Variants in RAD51B observed in about 807,000 individuals in gnomAD.
The protein encoded by RAD51B is RAD51 paralog B.
In RAD51B, 38 loss-of-function variants were observed where a neutral mutation model predicts 42.2. That is an observed-to-expected ratio of 0.90 (90% CI 0.70 to 1.18). RAD51B has a LOEUF of 1.18. Among genes scored for constraint, RAD51B ranks in the 50% most tolerant of loss-of-function variants. RAD51B has a pLI of 0.00. For missense variants in RAD51B, 373 were observed against 400.7 expected, an observed-to-expected ratio of 0.93 and a Z score of 0.59; for synonymous variants, 154 against 145.2, an observed-to-expected ratio of 1.06 and a Z score of -0.43.
In RAD51B at chr14:67,850,246, G is replaced by A. The variant is rs534861991; in HGVS notation, c.316-14757G>A. Among the ~76,000 whole-genome samples, 7 of 152,318 alleles carry A rather than the reference G, an allele frequency of 4.6e-5. No homozygotes were observed. The South Asian group carries it at 1.5e-3, about 32-fold the overall frequency. ...CAATCCTCCTGCTTTGGCCTCCAGG[G>A]TTGGAGTGCTGGGATGGATTACAGA... On this transcript the variant is annotated intron_variant, in intron 4 of 10. Transcript: ENST00000471583.
chr14:67,881,680 C>G (rs1226392739), intron 5 of RAD51B, among the ~76,000 whole-genome samples: 3 of 151,262 alleles, frequency 2.0e-5, no homozygotes, highest in Admixed American at 2.0e-4. Context: ...GTGTTTGTTT[C>G]CTTTCTCTCA....
intron 7 of RAD51B, among the ~76,000 whole-genome samples, chr14:68,086,365 G>T (rs1048885949): frequency 1.3e-5 from 2 of 152,126 alleles, no homozygotes; most frequent in Non-Finnish European, 2.9e-5. Context: ...CCATGTGTCC[G>T]CCTGCTAGGG....
chr14:67,853,807 A>G (rs2041898379), intron 4 of RAD51B, among the ~76,000 whole-genome samples: 1 of 152,168 alleles, frequency 6.6e-6, no homozygotes, highest in Non-Finnish European at 1.5e-5. Flanking sequence ...ATTTATCATC[A>G]GTTTTGACTT....
At chr14:68,316,246 G>A (rs552104865) in intron 8 of RAD51B, among the ~76,000 whole-genome samples, 3 of 152,224 alleles carry the variant, frequency 2.0e-5, no homozygotes, top group Non-Finnish European at 4.4e-5. Context: ...GAGTCTGAGA[G>A]TGTGTAATTT....
intron 8 of RAD51B, among the ~76,000 whole-genome samples, chr14:68,371,559 A>T (rs2083265807): frequency 6.6e-6 from 1 of 151,720 alleles, no homozygotes; most frequent in Non-Finnish European, 1.5e-5. Context: ...GTTGCATTTG[A>T]GATATGTAAG....
chr14:68,127,984 CA>C (rs890527490), intron 7 of RAD51B, among the ~76,000 whole-genome samples: 13 of 152,100 alleles, frequency 8.5e-5, no homozygotes, highest in African/African-American at 3.1e-4. Flanking sequence ...GGTAGATGAT[CA>C]ACAAATATCT....
intron 7 of RAD51B, among the ~76,000 whole-genome samples, chr14:68,209,456 G>A (rs1274650): frequency 0.17 from 26,014 of 152,168 alleles, 2,361 homozygotes; most frequent in Middle Eastern, 0.36. Context: ...ATAACTCTCT[G>A]AGAGGAATTG....
At chr14:68,008,926 TTGC>T (rs1490747087) in intron 7 of RAD51B, among the ~76,000 whole-genome samples, 1 of 151,988 alleles carries the variant, frequency 6.6e-6, no homozygotes, top group Non-Finnish European at 1.5e-5. Flanking sequence ...TGTAAATAGT[TTGC>T]TGTCGTAGAG....
At chr14:67,873,391 C>T (rs1168528286) in intron 5 of RAD51B, among the ~76,000 whole-genome samples, 2 of 151,986 alleles carry the variant, frequency 1.3e-5, no homozygotes, top group Admixed American at 1.3e-4. Context: ...CAATGAGATA[C>T]CATCTCACAC....
intron 11 of RAD51B, among the ~76,000 whole-genome samples, chr14:68,681,294 C>T (rs1174751884): frequency 6.6e-6 from 1 of 151,980 alleles, no homozygotes; most frequent in Non-Finnish European, 1.5e-5. Context: ...TCGAGGTGTT[C>T]CAAATCAGCG....
intron 10 of RAD51B, among the ~76,000 whole-genome samples, chr14:68,607,445 A>G (rs919200835): frequency 1.3e-5 from 2 of 151,488 alleles, no homozygotes; most frequent in East Asian, 1.9e-4. Context: ...CCCACAGCCC[A>G]TCTCTTCCAG....
intron 8 of RAD51B, among the ~76,000 whole-genome samples, chr14:68,387,777 A>G (rs553413541): frequency 1.3e-5 from 2 of 152,266 alleles, no homozygotes; most frequent in African/African-American, 2.4e-5. Context: ...CTCTACCACT[A>G]CAACCACTAA....
intron 7 of RAD51B, among the ~76,000 whole-genome samples, chr14:68,070,957 C>T (rs2076731199): frequency 6.6e-6 from 1 of 152,000 alleles, no homozygotes; most frequent in African/African-American, 2.4e-5. Flanking sequence ...TCTGATTTCT[C>T]TTAGCAGTGT....
intron 7 of RAD51B, among the ~76,000 whole-genome samples, chr14:68,153,382 G>A (rs549064079): frequency 6.6e-6 from 1 of 152,210 alleles, no homozygotes; most frequent in African/African-American, 2.4e-5. Flanking sequence ...CTGAATGGTA[G>A]TGCTATTTTT....
rs114197308 is a variant in RAD51B at position 67,845,108 on chromosome 14, C to T, written c.315+9912C>T. 3.9e-3 allele frequency among the ~76,000 whole-genome samples: 585 copies of T among 151,822 alleles called. 3 individuals carry two copies. Among genetic ancestry groups the T allele is most frequent in the African/African-American group, 0.011 (446 of 41,116 alleles). On this transcript the variant is annotated intron_variant, in intron 4 of 10. Coordinates refer to ENST00000471583, the MANE Select transcript of RAD51B (RefSeq NM_133510.4). ...GGGCATTTAGCTTGTTTACATTCAA[C>T]GTTAATATTGACATGTGGATTTGAT...
intron 9 of RAD51B, among the ~76,000 whole-genome samples, chr14:68,458,178 G>A (rs143774477): frequency 1.8e-4 from 27 of 152,094 alleles, no homozygotes; most frequent in African/African-American, 6.0e-4. Context: ...TTTTGTTTCC[G>A]TTTTTTGAGA....
chr14:68,547,016 A>G (rs139720182), intron 10 of RAD51B, among the ~76,000 whole-genome samples: 2 of 152,290 alleles, frequency 1.3e-5, no homozygotes, highest in African/African-American at 2.4e-5. Context: ...CTATTTCATG[A>G]TGTTCTCAGC....
intron 10 of RAD51B, among the ~76,000 whole-genome samples, chr14:68,544,326 A>G (rs17105822): frequency 0.04 from 6,067 of 152,266 alleles, 316 homozygotes; most frequent in African/African-American, 0.12. Flanking sequence ...TGACTGAATC[A>G]CCACCACTTA....
intron 7 of RAD51B, among the ~76,000 whole-genome samples, chr14:68,211,612 G>T (rs1186614865): frequency 6.6e-6 from 1 of 152,196 alleles, no homozygotes; most frequent in East Asian, 1.9e-4. Context: ...CAACAACTTG[G>T]TTGGGAAATA....
Sources: gnomAD v4.1 joint callset for allele counts (sites outside exome capture counted in the v4.1 genomes callset) on GRCh38, gnomAD v4.1.1 for gene constraint, MANE v1.5 for transcripts, NCBI Gene and HGNC (gene_info 2026-07-23, HGNC 2026-07-21) for gene names.